The following LDB3 variants were observed in gnomAD, a reference collection of about 807,000 sequenced individuals.
LDB3 encodes LIM domain binding 3, also known as LIM domain-binding protein 3.
Under a neutral mutation model 69.0 loss-of-function variants are expected in LDB3, and 49 were observed. The observed-to-expected ratio is 0.71, with a 90% confidence interval of 0.56 to 0.90. LDB3 has a LOEUF of 0.90. LDB3 is among the 40% of genes least tolerant of loss of function. The pLI, the probability that LDB3 is intolerant of heterozygous loss-of-function variation, is 0.00. For missense variants in LDB3, 928 were observed against 974.1 expected (o/e 0.95, Z 0.63); for synonymous variants, 387 against 396.2 (o/e 0.98, Z 0.28).
chr10:86,705,439 CAA>C (rs1269587016), intron 7 of LDB3, among the ~76,000 whole-genome samples: 2 of 152,218 alleles, frequency 1.3e-5, no homozygotes, highest in Non-Finnish European at 2.9e-5. Flanking sequence ...AAAAACAAAT[CAA>C]AGAGTAAAGA....
At position 86,687,179 on chromosome 10, in the gene LDB3, C is replaced by A. The variant is rs753193786; in HGVS notation, c.690-4717C>A. 3 of 1,614,108 alleles carry A rather than the reference C, an allele frequency of 1.9e-6. No homozygotes were observed. Among genetic ancestry groups the A allele is most frequent in the African/African-American group, 1.3e-5 (1 of 74,952 alleles). ...GGCGGCAAGGCCACCATCATCCATG[C>A]GCAGTACAACACGCCCATCAGCATG... On this transcript the variant is annotated intron_variant, in intron 5 of 13. Coordinates refer to ENST00000361373, the MANE Select transcript of LDB3 (RefSeq NM_007078.3).
At chr10:86,730,524 A>G (rs1460912501) in intron 13 of LDB3, among the ~76,000 whole-genome samples, 1 of 152,252 alleles carries the variant, frequency 6.6e-6, no homozygotes, top group Non-Finnish European at 1.5e-5. Flanking sequence ...ATCAATTTCA[A>G]GTAAACACAG....
rs587781024 is a variant in LDB3 at position 86,716,430 on chromosome 10, C to T, written c.1335C>T (p.Tyr445=). 433 of 1,557,548 alleles carry T rather than the reference C, an allele frequency of 2.8e-4. 7 individuals carry two copies. The Admixed American group carries it at 7.7e-3, about 28-fold the overall frequency. The change falls in exon 10 of 14, where the codon TAC becomes TAT. Residue 445 remains tyrosine (Y), a synonymous_variant. Coordinates refer to ENST00000361373, the MANE Select transcript of LDB3 (RefSeq NM_007078.3). ...ACACCCCCTCCCCTGCCCCTGCCTA[C>T]ACCCCCTCACCTGTCCCCACCTACA... ...PAYTPSPAPA[Y]TPSPVPTYTP... is the part of the protein sequence containing the mutation.
Position 86,726,182 on chromosome 10 carries a change from C to T in LDB3, c.2024C>T (p.Pro675Leu). Residue 675 changes from proline to leucine, a missense_variant, in exon 13 of 14, where the codon CCC becomes CTC. Coordinates refer to ENST00000361373, the MANE Select transcript of LDB3 (RefSeq NM_007078.3). ...FSTKCHGCDFPVEAGDKFIEA... is the reference protein window; with the variant it reads ...FSTKCHGCDFLVEAGDKFIEA... ...ACCAAGTGCCATGGCTGCGATTTCCCCGTGGAGGCTGGCGACAAGTTTATC... is the reference window on the plus strand; with the variant it reads ...ACCAAGTGCCATGGCTGCGATTTCCTCGTGGAGGCTGGCGACAAGTTTATC... The T allele has an allele frequency of 6.2e-7, 1 of 1,614,084 alleles. No individual in the cohort carries two copies.
chr10:86,719,620 A>G (rs1408812753), intron 12 of LDB3, among the ~76,000 whole-genome samples: 1 of 152,128 alleles, frequency 6.6e-6, no homozygotes, highest in Non-Finnish European at 1.5e-5. Context: ...TGCCTTACAG[A>G]GCTGTGGTGA....
At chr10:86,669,321 C>T (rs896578859) in intron 2 of LDB3, among the ~76,000 whole-genome samples, 2 of 152,214 alleles carry the variant, frequency 1.3e-5, no homozygotes, top group Admixed American at 1.3e-4. Flanking sequence ...CTTGAGACAC[C>T]AAGACCCTGG....
Position 86,681,669 on chromosome 10 carries a change from C to T in LDB3, c.555C>T (p.Ala185=). ...CCCGGGACCTACTCGGCCCAAAAGC[C>T]CTGCCGGGCTCGAGCCAGCCGAGGC... ...EGARDLLGPK[A]LPGSSQPRQY... is the part of the protein sequence containing the mutation. The change falls in exon 5 of 14, where the codon GCC becomes GCT. Residue 185 remains alanine (A), a synonymous_variant. Coordinates refer to ENST00000361373, the MANE Select transcript of LDB3 (RefSeq NM_007078.3). The T allele has an allele frequency of 6.2e-7, 1 of 1,613,388 alleles. No homozygotes were observed. The highest frequency in any genetic ancestry group is 8.5e-7 in the Non-Finnish European group (1 of 1,179,900).
chr10:86,698,671 G>A (rs1426057927), intron 7 of LDB3, among the ~76,000 whole-genome samples: 1 of 152,198 alleles, frequency 6.6e-6, no homozygotes, highest in African/African-American at 2.4e-5. Context: ...GCACGCATGT[G>A]CCCAGGCTGT....
chr10:86,688,809 TTC>T (rs889408302), intron 5 of LDB3, among the ~76,000 whole-genome samples: 42 of 152,248 alleles, frequency 2.8e-4, no homozygotes, highest in Admixed American at 5.2e-4. Context: ...TTCACTAACT[TTC>T]TGTTTTCTGC....
chr10:86,709,387 G>C lies in LDB3; in HGVS notation c.1086-518G>C, dbSNP rs1846555579. Among the ~76,000 whole-genome samples, 2 of 152,286 alleles carry C rather than the reference G, an allele frequency of 1.3e-5. 1 individual carries two copies. ...GAAGAGGTGTGTGTTGGGGGAGAGG[G>C]GGGTGCCTTGGGCAGCAGGCGGGGG... On this transcript the variant is annotated intron_variant, in intron 8 of 13. Transcript: ENST00000361373.
At chr10:86,729,558 C>T (rs914351179) in intron 13 of LDB3, among the ~76,000 whole-genome samples, 1 of 152,162 alleles carries the variant, frequency 6.6e-6, no homozygotes, top group Non-Finnish European at 1.5e-5. Context: ...CAGCACTGTC[C>T]ATGGTCGCTA....
chr10:86,712,784 G>C (rs1399280687), intron 9 of LDB3, among the ~76,000 whole-genome samples: 1 of 152,194 alleles, frequency 6.6e-6, no homozygotes, highest in Non-Finnish European at 1.5e-5. Context: ...TATCAGGCCG[G>C]ACGCAGTGGC....
At chr10:86,668,872 C>A in intron 2 of LDB3, 88 bp downstream of exon 2, 1 of 1,023,968 alleles carries the variant, frequency 9.8e-7, no homozygotes, top group South Asian at 1.4e-5. Context: ...TCTGTCCTTT[C>A]TGAGCCTCTC....
chr10:86,668,650 C>T lies in LDB3; in HGVS notation c.-23-19C>T, dbSNP rs1208865197. 4.6e-6 allele frequency: 7 copies of T among 1,521,648 alleles called. 1 individual carries two copies. In the South Asian group the frequency reaches 6.7e-5, roughly 15 times the overall value. 94.3% of individuals were successfully genotyped at this position (1,521,648 alleles called of 1,614,324 possible). On this transcript the variant is annotated intron_variant, in intron 1 of 13. Coordinates refer to ENST00000361373, the MANE Select transcript of LDB3 (RefSeq NM_007078.3). ...CCTGAGTGCCCTCTCACTCAACCCT[C>T]TCTACCCTTTGTCTGCAGAGGCGGC... is the stretch of plus-strand genomic sequence containing the variant.
Position 86,675,594 on chromosome 10 carries a change from G to A in LDB3, c.94-3773G>A, listed in dbSNP as rs558811133. 3.3e-5 allele frequency among the ~76,000 whole-genome samples: 5 copies of A among 152,370 alleles called. No individual in the cohort carries two copies. The East Asian group carries it at 9.6e-4, about 29-fold the overall frequency. ...AGCCTTGCTGTGGGGGTGTCCTGCT[G>A]TGGGGGAGCCCCATGGGCAGTTCAC... is the stretch of plus-strand genomic sequence containing the variant. On this transcript the variant is annotated intron_variant, in intron 2 of 13. Transcript: ENST00000361373.
Position 86,686,923 on chromosome 10 carries a change from G to C in LDB3, c.690-4973G>C, listed in dbSNP as rs928292652. 5.2e-6 allele frequency: 4 copies of C among 765,526 alleles called. No individual in the cohort carries two copies. The African/African-American group carries it at 6.8e-5, about 13-fold the overall frequency. The allele number at this position is 765,526 out of a possible 1,614,324, so 47.4% of individuals were successfully genotyped here. A position where few individuals can be genotyped will look rare whatever the true frequency, so the allele number is the denominator to read the frequency against. On this transcript the variant is annotated intron_variant, in intron 5 of 13. Transcript: ENST00000361373. Reference sequence around the variant, plus strand: ...CACCCACCATCTGGAGACTTGTGTAGCCTATGGGGGTTCAGGGCCTCGGCT... The same window carrying C: ...CACCCACCATCTGGAGACTTGTGTACCCTATGGGGGTTCAGGGCCTCGGCT...
chr10:86,724,142 C>T (rs1213535035), intron 12 of LDB3, among the ~76,000 whole-genome samples: 2 of 151,860 alleles, frequency 1.3e-5, no homozygotes, highest in Non-Finnish European at 2.9e-5. Context: ...GAAACCCCGT[C>T]TCTACTGAAA....
rs71019410 is a variant in LDB3, at chr10:86,699,239, T to TTC, written c.896+6696_896+6697dup. Reference sequence around the variant, plus strand: ...TCTCTCTTTCTGTCTCTGTCTCTGTTTCTCTCTCTCTCTCTCTCTCTCTCT... The same window carrying TTC: ...TCTCTCTTTCTGTCTCTGTCTCTGTTTCTCTCTCTCTCTCTCTCTCTCTCTCT... On this transcript the variant is annotated intron_variant, in intron 7 of 13. Transcript: ENST00000361373. The surrounding 1 kb of genome is among the most constrained non-coding windows in gnomAD (Gnocchi z 4.9). 5,128 of 1,561,622 alleles carry TTC rather than the reference T, an allele frequency of 3.3e-3. 1 individual carries two copies. Among genetic ancestry groups the TTC allele is most frequent in the East Asian group, 7.9e-3 (348 of 43,972 alleles).
At chr10:86,671,007 G>A (rs1419980696) in intron 2 of LDB3, among the ~76,000 whole-genome samples, 1 of 152,220 alleles carries the variant, frequency 6.6e-6, no homozygotes, top group Non-Finnish European at 1.5e-5. Context: ...CTGCACCAGG[G>A]ACATCCCCCT....
Sources: allele counts gnomAD v4.1 joint callset (sites outside exome capture counted in the v4.1 genomes callset), GRCh38; gene constraint gnomAD v4.1.1; non-coding constraint Gnocchi (gnomAD v3.1); transcripts MANE v1.5; gene names NCBI Gene and HGNC (gene_info 2026-07-23, HGNC 2026-07-21).